Variants in PRKN observed in about 807,000 individuals in gnomAD.
PRKN encodes parkin RBR E3 ubiquitin protein ligase.
A neutral mutation model predicts 59.5 loss-of-function variants in PRKN; 56 were observed. The ratio of observed to expected loss-of-function variants is 0.94; its 90% CI spans 0.76 to 1.18. The LOEUF (loss-of-function observed/expected upper bound fraction) is 1.18, where lower values mean the gene tolerates loss of function less well. Among genes scored for constraint, PRKN ranks in the 50% most tolerant of loss-of-function variants. The pLI is 0.00. For missense variants in PRKN, 657 were observed against 596.4 expected (o/e 1.10, Z -1.06); for synonymous variants, 250 against 222.1 (o/e 1.13, Z -1.12).
chr6:161,355,758 G>C lies in PRKN; in HGVS notation c.1285+4330C>G, dbSNP rs1049558637. Among the ~76,000 whole-genome samples the C allele has an allele frequency of 4.6e-5, 7 of 152,194 alleles. No individual in the cohort carries two copies. Among genetic ancestry groups the C allele is most frequent in the Admixed American group, 4.6e-4 (7 of 15,280 alleles). On this transcript the variant is annotated intron_variant, in intron 11 of 11. Coordinates refer to ENST00000366898, the MANE Select transcript of PRKN (RefSeq NM_004562.3). This position sits in a 1 kb window ranked among gnomAD's most constrained non-coding sequence, Gnocchi z 6.8. ...ATTTTTTGTCCGGGCTCTCTTCTGG[G>C]ATTGGAGCCTAGACGGTCAAGGTCC... is the stretch of plus-strand genomic sequence containing the variant.
intron 1 of PRKN, among the ~76,000 whole-genome samples, chr6:162,559,270 A>G (rs1479441167): frequency 7.4e-6 from 1 of 134,892 alleles, no homozygotes; most frequent in Non-Finnish European, 1.7e-5. Flanking sequence ...TGTAAATAAT[A>G]CTATGACACA....
chr6:162,513,976 G>A (rs529903348), intron 1 of PRKN, among the ~76,000 whole-genome samples: 5 of 152,110 alleles, frequency 3.3e-5, no homozygotes, highest in Admixed American at 2.0e-4. Flanking sequence ...AACCTGTGAG[G>A]TGGAGGTTGC....
chr6:162,001,627 T>A (rs940544603), intron 5 of PRKN, among the ~76,000 whole-genome samples: 4 of 151,992 alleles, frequency 2.6e-5, no homozygotes, highest in African/African-American at 9.7e-5. Flanking sequence ...CCTTCCCAAT[T>A]TTATATGTTT....
chr6:162,071,596 TA>T lies in PRKN; in HGVS notation c.535-17423del, dbSNP rs1778577188. Among the ~76,000 whole-genome samples the T allele has an allele frequency of 2.1e-5, 2 of 93,090 alleles. 1 individual carries two copies. Among genetic ancestry groups the T allele is most frequent in the Non-Finnish European group, 4.1e-5 (2 of 49,062 alleles). The allele number at this position is 93,090 out of a possible 152,430, so 61.1% of individuals were successfully genotyped here. The stretch of plus-strand genomic sequence containing the variant: ...TGGATTCCAATTATTTTACTGAATT[TA>T]ATTTTTTTTTTTTTTTTGAGATGGA... On this transcript the variant is annotated intron_variant, in intron 4 of 11. Transcript: ENST00000366898.
At chr6:162,004,731 C>T (rs1034397742) in intron 5 of PRKN, among the ~76,000 whole-genome samples, 5 of 152,196 alleles carry the variant, frequency 3.3e-5, no homozygotes, top group Admixed American at 2.0e-4. Context: ...ATTTACCACA[C>T]TGCAGATGGT....
intron 4 of PRKN, among the ~76,000 whole-genome samples, chr6:162,066,887 G>T (rs1038057262): frequency 2.0e-5 from 3 of 152,152 alleles, no homozygotes; most frequent in Non-Finnish European, 2.9e-5. Context: ...GCTTTCAGTT[G>T]TCTCCTCTCT....
intron 1 of PRKN, among the ~76,000 whole-genome samples, chr6:162,600,499 T>C (rs1313857098): frequency 6.6e-6 from 1 of 152,204 alleles, no homozygotes; most frequent in Non-Finnish European, 1.5e-5. Flanking sequence ...GTAAGAGTAC[T>C]AAGTCAGATC....
intron 4 of PRKN, among the ~76,000 whole-genome samples, chr6:162,122,589 G>T (rs559782373): frequency 6.6e-6 from 1 of 152,212 alleles, no homozygotes; most frequent in East Asian, 1.9e-4. Flanking sequence ...GATCATGTCT[G>T]TTGATTTTTC....
chr6:162,192,744 A>G, intron 4 of PRKN, among the ~76,000 whole-genome samples: 1 of 152,294 alleles, frequency 6.6e-6, no homozygotes, highest in African/African-American at 2.4e-5. Flanking sequence ...TTTAAAATAT[A>G]TACACATACT....
chr6:162,631,287 T>C (rs764136582), intron 1 of PRKN, among the ~76,000 whole-genome samples: 1 of 152,146 alleles, frequency 6.6e-6, no homozygotes, highest in Non-Finnish European at 1.5e-5. Context: ...AAATTCAATG[T>C]CAAAATTAAA....
intron 3 of PRKN, among the ~76,000 whole-genome samples, chr6:162,211,573 A>G (rs1000180909): frequency 8.5e-5 from 13 of 152,176 alleles, no homozygotes; most frequent in African/African-American, 3.1e-4. Context: ...ACGTAAATGA[A>G]CCCTCAGAGG....
At chr6:161,370,020 AT>A in intron 10 of PRKN, 1 of 440,734 alleles carries the variant, frequency 2.3e-6, no homozygotes, top group Non-Finnish European at 4.6e-6. Flanking sequence ...CACCACCATT[AT>A]TACTTTGTTA....
At chr6:162,206,172 C>T (rs759398461) in intron 3 of PRKN, among the ~76,000 whole-genome samples, 24 of 152,126 alleles carry the variant, frequency 1.6e-4, no homozygotes, top group Non-Finnish European at 2.5e-4. Flanking sequence ...GTTCTTGAGA[C>T]GCACCTGGAC....
At position 161,570,138 on chromosome 6, in the gene PRKN, A is replaced by T. The variant is rs1325635230; in HGVS notation, c.872-722T>A. 3.3e-3 allele frequency among the ~76,000 whole-genome samples: 435 copies of T among 132,712 alleles called. 2 individuals are homozygous for T. Among genetic ancestry groups the T allele is most frequent in the African/African-American group, 0.012 (392 of 33,946 alleles). The allele number at this position is 132,712 out of a possible 152,430, so 87.1% of individuals were successfully genotyped here. ...AAGTAAATAGGTAAAAAAAAAAAAA[A>T]AAAAAAAAATATATATATATATATA... On this transcript the variant is annotated intron_variant, in intron 7 of 11. Transcript: ENST00000366898.
chr6:161,418,619 C>T (rs938117532), intron 9 of PRKN, among the ~76,000 whole-genome samples: 1 of 152,142 alleles, frequency 6.6e-6, no homozygotes, highest in African/African-American at 2.4e-5. Flanking sequence ...ACCCGAAAGG[C>T]AAGGCAATTA....
rs1244914636 is a variant in PRKN, at chr6:161,546,038, A to T, written c.1083+2816T>A. 1.3e-5 allele frequency among the ~76,000 whole-genome samples: 2 copies of T among 152,216 alleles called. No individual in the cohort carries two copies. Among genetic ancestry groups the T allele is most frequent in the Admixed American group, 1.3e-4 (2 of 15,284 alleles). On this transcript the variant is annotated intron_variant, in intron 9 of 11. Coordinates refer to ENST00000366898, the MANE Select transcript of PRKN (RefSeq NM_004562.3). The surrounding 1 kb of genome is among the most constrained non-coding windows in gnomAD (Gnocchi z 4.4). Reference sequence around the variant, plus strand: ...TGCCCAGTTTCCTGCCGTAGATCTGACTACATCCTGGATTCTAGACTATTT... The same window carrying T: ...TGCCCAGTTTCCTGCCGTAGATCTGTCTACATCCTGGATTCTAGACTATTT...
intron 4 of PRKN, among the ~76,000 whole-genome samples, chr6:162,161,776 G>A (rs936722514): frequency 6.6e-6 from 1 of 152,100 alleles, no homozygotes; most frequent in Non-Finnish European, 1.5e-5. Flanking sequence ...TTTTATCAAC[G>A]CAACATAACA....
chr6:162,472,468 T>TATATATATATATATATATATATA lies in PRKN; in HGVS notation c.8-28996_8-28995insTATATATATATATATATATATAT, dbSNP rs1385821060. Among the ~76,000 whole-genome samples, 158 of 104,232 alleles carry TATATATATATATATATATATATA rather than the reference T, an allele frequency of 1.5e-3. 4 individuals carry two copies. The highest frequency in any genetic ancestry group is 5.0e-3 in the East Asian group (16 of 3,224). The allele number at this position is 104,232 out of a possible 152,430, so 68.4% of individuals were successfully genotyped here. On this transcript the variant is annotated intron_variant, in intron 1 of 11. Transcript: ENST00000366898. ...AGTCCAAACTCTAACTTTTATTTTA[T>TATATATATATATATATATATATA]TTTATTTTATTTTATTTTATTTTAT...
intron 6 of PRKN, among the ~76,000 whole-genome samples, chr6:161,963,524 G>GT (rs1562422448): frequency 6.6e-6 from 1 of 152,190 alleles, no homozygotes; most frequent in East Asian, 1.9e-4. Context: ...CTATGCTTTC[G>GT]TAAGTAACTG....
Sources: allele counts gnomAD v4.1 joint callset (sites outside exome capture counted in the v4.1 genomes callset), GRCh38; gene constraint gnomAD v4.1.1; non-coding constraint Gnocchi (gnomAD v3.1); transcripts MANE v1.5; gene names NCBI Gene and HGNC (gene_info 2026-07-23, HGNC 2026-07-21).